Variants in SLC71A2 observed in about 807,000 individuals in gnomAD.
The protein encoded by SLC71A2 is solute carrier family 71 member 2.
At chr9:94,452,991 G>T in the SLC71A2 span, among the ~76,000 whole-genome samples, 11 of 151,816 alleles carry the variant, frequency 7.2e-5, no homozygotes, top group African/African-American at 1.5e-4. Context: ...TGAGAAGGCC[G>T]CAAAACTACT....
the SLC71A2 span, among the ~76,000 whole-genome samples, chr9:94,390,426 A>C: frequency 4.1e-4 from 62 of 150,502 alleles, no homozygotes; most frequent in Non-Finnish European, 7.7e-4. Context: ...ATTATTTTCT[A>C]GTCGGTAAAA....
chr9:94,392,174 G>C, the SLC71A2 span, among the ~76,000 whole-genome samples: 1 of 150,726 alleles, frequency 6.6e-6, no homozygotes, highest in Non-Finnish European at 1.5e-5. Context: ...AAGAGAGCAG[G>C]AGATTGAGGG....
At chr9:94,414,660 A>G in the SLC71A2 span, among the ~76,000 whole-genome samples, 3 of 152,110 alleles carry the variant, frequency 2.0e-5, no homozygotes, top group Non-Finnish European at 2.9e-5. Context: ...TCGAAAGTCT[A>G]TAATCTTTTT....
At chr9:94,408,831 GT>G in the SLC71A2 span, among the ~76,000 whole-genome samples, 18 of 99,858 alleles carry the variant, frequency 1.8e-4, no homozygotes, top group East Asian at 3.1e-3. Context: ...TTTTTTGTTT[GT>G]TTGTTTTTTG....
At chr9:94,446,931 A>G in the SLC71A2 span, 6 of 1,518,562 alleles carry the variant, frequency 4.0e-6, no homozygotes, top group Non-Finnish European at 5.5e-6. Context: ...TCTCTATCTC[A>G]GGCAGGTGAG....
the SLC71A2 span, among the ~76,000 whole-genome samples, chr9:94,401,104 A>G: frequency 4.0e-5 from 6 of 150,004 alleles, no homozygotes; most frequent in Non-Finnish European, 8.9e-5. Context: ...TTTTTTTGAG[A>G]CGGAGTTTCG....
At chr9:94,392,125 G>C in the SLC71A2 span, among the ~76,000 whole-genome samples, 3,988 of 150,962 alleles carry the variant, frequency 0.026, 138 homozygotes, top group African/African-American at 0.091. Flanking sequence ...CTGGTTATTT[G>C]TATCAAAGTT....
chr9:94,446,680 A>G, the SLC71A2 span: 1 of 498,992 alleles, frequency 2.0e-6, no homozygotes, highest in African/African-American at 2.0e-5. Context: ...CCTCAGAAAG[A>G]TGGTGATAGA....
chr9:94,456,136 C>A, the SLC71A2 span: 2 of 667,474 alleles, frequency 3.0e-6, no homozygotes, highest in Non-Finnish European at 5.0e-6. Flanking sequence ...TAAAATGTAA[C>A]AGGAGAAAAC....
chr9:94,387,445 G>T, the SLC71A2 span, among the ~76,000 whole-genome samples: 2 of 151,292 alleles, frequency 1.3e-5, no homozygotes, highest in Non-Finnish European at 2.9e-5. Context: ...TTTAAGAATT[G>T]ATGAATATTC....
At chr9:94,440,902 C>T in the SLC71A2 span, 4 of 780,258 alleles carry the variant, frequency 5.1e-6, no homozygotes, top group Non-Finnish European at 8.5e-6. Context: ...GGTGCGTAAT[C>T]TTTACATGAT....
the SLC71A2 span, among the ~76,000 whole-genome samples, chr9:94,396,636 A>G: frequency 6.6e-6 from 1 of 152,222 alleles, no homozygotes; most frequent in Non-Finnish European, 1.5e-5. Context: ...CTATGCCAGT[A>G]TAGCACAAAA....
chr9:94,388,183 T>A, the SLC71A2 span, among the ~76,000 whole-genome samples: 1 of 152,196 alleles, frequency 6.6e-6, no homozygotes, highest in Non-Finnish European at 1.5e-5. Flanking sequence ...GTCAGCCAGA[T>A]ACATGTGAGT....
At chr9:94,442,148 G>A in the SLC71A2 span, among the ~76,000 whole-genome samples, 1 of 152,270 alleles carries the variant, frequency 6.6e-6, no homozygotes, top group African/African-American at 2.4e-5. Context: ...TAGGTTGGAG[G>A]GAGATTGAAT....
the SLC71A2 span, among the ~76,000 whole-genome samples, chr9:94,424,544 T>G: frequency 4.6e-5 from 7 of 152,104 alleles, no homozygotes; most frequent in East Asian, 1.2e-3. Context: ...CATAATATCT[T>G]GTATAAATTC....
chr9:94,448,642 T>A, the SLC71A2 span, among the ~76,000 whole-genome samples: 12 of 152,214 alleles, frequency 7.9e-5, no homozygotes, highest in Admixed American at 7.9e-4. Context: ...CTTTTTACTT[T>A]TTTATTGGAG....
the SLC71A2 span, among the ~76,000 whole-genome samples, chr9:94,440,050 T>TAG: frequency 1.3e-5 from 2 of 152,232 alleles, no homozygotes; most frequent in African/African-American, 4.8e-5. Flanking sequence ...GTTTTTAGAC[T>TAG]GAAAAATATT....
the SLC71A2 span, among the ~76,000 whole-genome samples, chr9:94,420,311 G>A: frequency 6.6e-6 from 1 of 152,178 alleles, no homozygotes; most frequent in South Asian, 2.1e-4. Flanking sequence ...GTCCTCTCAG[G>A]CAGCAGCATG....
the SLC71A2 span, among the ~76,000 whole-genome samples, chr9:94,430,484 C>A: frequency 7.9e-5 from 12 of 152,054 alleles, no homozygotes; most frequent in African/African-American, 2.7e-4. Context: ...TGGCCTCCCA[C>A]AGTCTTGCAA....
Sources: allele counts gnomAD v4.1 joint callset (sites outside exome capture counted in the v4.1 genomes callset), GRCh38; gene constraint gnomAD v4.1.1; transcripts MANE v1.5; gene names NCBI Gene and HGNC (gene_info 2026-07-23, HGNC 2026-07-21).